The following SORCS2 variants were observed in gnomAD, a reference collection of about 807,000 sequenced individuals.
SORCS2 encodes the protein sortilin related VPS10 domain containing receptor 2.
A neutral mutation model predicts 141.6 loss-of-function variants in SORCS2; 100 were observed. The ratio of observed to expected loss-of-function variants is 0.71; its 90% confidence interval spans 0.60 to 0.83. The LOEUF is 0.83. SORCS2 is among the 40% of genes least tolerant of loss of function. The pLI, the probability that SORCS2 is intolerant of heterozygous loss-of-function variation, is 0.00. For synonymous variants in SORCS2, 789 were observed against 676.9 expected (o/e 1.17, Z -2.57); for missense variants, 1,646 against 1,560.2 (o/e 1.05, Z -0.93).
chr4:7,527,256 A>C (rs1733754013), intron 2 of SORCS2, among the ~76,000 whole-genome samples: 1 of 152,234 alleles, frequency 6.6e-6, no homozygotes, highest in Non-Finnish European at 1.5e-5. Context: ...TCCACGTCCT[A>C]ATCCCCGGAA....
At chr4:7,581,439 T>G (rs1716137125) in intron 3 of SORCS2, among the ~76,000 whole-genome samples, 1 of 152,186 alleles carries the variant, frequency 6.6e-6, no homozygotes, top group Non-Finnish European at 1.5e-5. Context: ...AAATAAAAAG[T>G]CCATGGCCTT....
intron 1 of SORCS2, among the ~76,000 whole-genome samples, chr4:7,199,371 C>A (rs112677909): frequency 6.6e-6 from 1 of 152,078 alleles, no homozygotes; most frequent in African/African-American, 2.4e-5. Context: ...GAGGGGGTCA[C>A]ATGGGCCACA....
chr4:7,664,092 C>T lies in SORCS2; in HGVS notation c.953-261C>T, dbSNP rs1180677535. ...TACCCACCGTCGCCTGTGCTGACCC[C>T]TCCTGCAGGGGATGGCAGGCTCCAG... is the stretch of plus-strand genomic sequence containing the variant. On this transcript the variant is annotated intron_variant, in intron 6 of 26. Transcript: ENST00000507866. The surrounding 1 kb of genome is among the most constrained non-coding windows in gnomAD (Gnocchi z 4.7). 1.3e-5 allele frequency among the ~76,000 whole-genome samples: 2 copies of T among 152,182 alleles called. No homozygotes were observed. Among genetic ancestry groups the T allele is most frequent in the Non-Finnish European group, 2.9e-5 (2 of 68,036 alleles).
intron 14 of SORCS2, among the ~76,000 whole-genome samples, chr4:7,707,538 C>T (rs552784052): frequency 1.3e-3 from 200 of 152,352 alleles, no homozygotes; most frequent in African/African-American, 4.6e-3. Flanking sequence ...GCCTTCAATT[C>T]AGTCCCAGCC....
intron 2 of SORCS2, among the ~76,000 whole-genome samples, chr4:7,525,769 G>A (rs1299457707): frequency 1.1e-5 from 1 of 90,054 alleles, no homozygotes; most frequent in African/African-American, 5.0e-5. Flanking sequence ...GCAATCACCT[G>A]TCCCCTCCTG....
intron 3 of SORCS2, among the ~76,000 whole-genome samples, chr4:7,587,108 A>G (rs1716588318): frequency 6.6e-6 from 1 of 151,998 alleles, no homozygotes; most frequent in Admixed American, 6.6e-5. Flanking sequence ...GAGGTGCGCA[A>G]GCAGAAGCTG....
intron 3 of SORCS2, among the ~76,000 whole-genome samples, chr4:7,540,967 C>T (rs575238581): frequency 6.6e-6 from 1 of 152,212 alleles, no homozygotes; most frequent in Non-Finnish European, 1.5e-5. Context: ...AGAGCCAGTG[C>T]GTGAGGCATG....
intron 3 of SORCS2, among the ~76,000 whole-genome samples, chr4:7,629,236 A>G (rs903558560): frequency 3.3e-5 from 5 of 152,162 alleles, no homozygotes; most frequent in African/African-American, 1.2e-4. Context: ...TACAATTATG[A>G]TTGGTCCATT....
chr4:7,614,952 C>T (rs375093436), intron 3 of SORCS2, among the ~76,000 whole-genome samples: 3 of 152,142 alleles, frequency 2.0e-5, no homozygotes, highest in African/African-American at 7.2e-5. Context: ...ATTCACCATC[C>T]ATTCACCCAT....
intron 3 of SORCS2, among the ~76,000 whole-genome samples, chr4:7,621,441 ATG>A (rs1353357099): frequency 2.1e-5 from 3 of 140,924 alleles, no homozygotes; most frequent in Admixed American, 7.0e-5. Context: ...GTGTGTGTCT[ATG>A]TGTGTGTCTG....
chr4:7,633,360 G>A (rs1359556541), intron 3 of SORCS2, among the ~76,000 whole-genome samples: 1 of 152,182 alleles, frequency 6.6e-6, no homozygotes, highest in East Asian at 1.9e-4. Context: ...TTGGGGTCAT[G>A]CCGTCCTCTC....
At chr4:7,357,151 C>T (rs986987060) in intron 1 of SORCS2, among the ~76,000 whole-genome samples, 1 of 152,176 alleles carries the variant, frequency 6.6e-6, no homozygotes, top group African/African-American at 2.4e-5. Context: ...TCCTCCTCCA[C>T]CCGTGACCTT....
At chr4:7,513,333 T>C (rs1732778195) in intron 2 of SORCS2, among the ~76,000 whole-genome samples, 1 of 150,858 alleles carries the variant, frequency 6.6e-6, no homozygotes, top group Non-Finnish European at 1.5e-5. Flanking sequence ...GCAAAGCACC[T>C]GCCCCCCAAC....
intron 7 of SORCS2, among the ~76,000 whole-genome samples, chr4:7,666,092 C>G (rs904541698): frequency 2.0e-4 from 31 of 151,990 alleles, no homozygotes; most frequent in Admixed American, 1.6e-3. Flanking sequence ...GCATCTCAAT[C>G]AATCTTCTCT....
At chr4:7,562,327 C>CAAA (rs10695685) in intron 3 of SORCS2, among the ~76,000 whole-genome samples, 3,018 of 150,606 alleles carry the variant, frequency 0.02, 97 homozygotes, top group African/African-American at 0.069. Context: ...GGCCCTGAGG[C>CAAA]AAAAAAAAGG....
chr4:7,217,610 C>G (rs573397836), intron 1 of SORCS2, among the ~76,000 whole-genome samples: 1 of 152,172 alleles, frequency 6.6e-6, no homozygotes, highest in Non-Finnish European at 1.5e-5. Flanking sequence ...AAGGCAGTTC[C>G]CCAGGGTGGG....
chr4:7,738,067 T>C (rs1302051761), intron 26 of SORCS2, among the ~76,000 whole-genome samples: 1 of 152,208 alleles, frequency 6.6e-6, no homozygotes, highest in African/African-American at 2.4e-5. Flanking sequence ...TCATACGCTG[T>C]CACTTGTGTC....
chr4:7,595,200 T>G (rs1025414998), intron 3 of SORCS2, among the ~76,000 whole-genome samples: 3 of 152,098 alleles, frequency 2.0e-5, no homozygotes, highest in African/African-American at 7.2e-5. Flanking sequence ...ACCGGTTTAT[T>G]ATGGATACAA....
At chr4:7,460,190 G>C (rs1729207138) in intron 2 of SORCS2, 1 of 154,902 alleles carries the variant, frequency 6.5e-6, no homozygotes, top group East Asian at 1.9e-4. Flanking sequence ...GTGCCAGCTA[G>C]TAGAATCCTG....
Sources: allele counts gnomAD v4.1 joint callset (sites outside exome capture counted in the v4.1 genomes callset), GRCh38; gene constraint gnomAD v4.1.1; non-coding constraint Gnocchi (gnomAD v3.1); transcripts MANE v1.5; gene names NCBI Gene and HGNC (gene_info 2026-07-23, HGNC 2026-07-21).